Variants in GRM8 observed in about 807,000 individuals in gnomAD.
The protein encoded by GRM8 is metabotropic glutamate receptor 8.
A neutral mutation model predicts 87.2 loss-of-function variants in GRM8; 47 were observed. That is an observed-to-expected ratio of 0.54 (90% CI 0.43 to 0.69). The LOEUF (loss-of-function observed/expected upper bound fraction) is 0.69, where lower values mean the gene tolerates loss of function less well. Ranked by LOEUF, GRM8 falls within the 30% of genes least tolerant of loss-of-function variation. GRM8 has a pLI of 0.00. For synonymous variants in GRM8, 396 were observed against 404.5 expected (o/e 0.98, Z 0.25); for missense variants, 1,019 against 1,139.2 (o/e 0.89, Z 1.52).
At chr7:126,781,145 A>G (rs1186531240) in intron 6 of GRM8, among the ~76,000 whole-genome samples, 1 of 152,158 alleles carries the variant, frequency 6.6e-6, no homozygotes, top group African/African-American at 2.4e-5. Context: ...CAGAAATAGC[A>G]TGTCCTGCCA....
intron 3 of GRM8, among the ~76,000 whole-genome samples, chr7:126,984,236 C>T (rs1483617632): frequency 6.6e-6 from 1 of 152,058 alleles, no homozygotes; most frequent in Non-Finnish European, 1.5e-5. Flanking sequence ...CATATGATCT[C>T]AGGATGTGTA....
intron 7 of GRM8, among the ~76,000 whole-genome samples, chr7:126,766,988 G>T (rs764441728): frequency 1.4e-4 from 21 of 152,172 alleles, no homozygotes; most frequent in Admixed American, 1.0e-3. Context: ...GATTGTATGT[G>T]TGCTTCATAG....
chr7:127,231,585 C>A (rs554242412), intron 2 of GRM8, among the ~76,000 whole-genome samples: 4 of 152,278 alleles, frequency 2.6e-5, no homozygotes, highest in South Asian at 2.1e-4. Context: ...CCTTTTAGTG[C>A]TTTCATTTCT....
At chr7:126,798,816 G>C (rs781293330) in intron 6 of GRM8, among the ~76,000 whole-genome samples, 2 of 152,258 alleles carry the variant, frequency 1.3e-5, no homozygotes, top group African/African-American at 4.8e-5. Context: ...AACCATTAGA[G>C]GGCTGGGGCT....
At chr7:126,998,006 A>G (rs954262034) in intron 3 of GRM8, among the ~76,000 whole-genome samples, 8 of 152,104 alleles carry the variant, frequency 5.3e-5, no homozygotes, top group Middle Eastern at 3.4e-3. Flanking sequence ...ATCCCCGACG[A>G]ATGTTGATAG....
chr7:126,488,877 T>C (rs752896757), intron 9 of GRM8, among the ~76,000 whole-genome samples: 1 of 151,882 alleles, frequency 6.6e-6, no homozygotes, highest in Non-Finnish European at 1.5e-5. Context: ...AGGTCACAAA[T>C]ACACATGTGC....
chr7:126,481,243 A>T (rs561558669), intron 9 of GRM8, among the ~76,000 whole-genome samples: 1 of 152,234 alleles, frequency 6.6e-6, no homozygotes, highest in African/African-American at 2.4e-5. Context: ...CATCACTAGA[A>T]CATCACAGTA....
At chr7:127,241,690 C>T (rs1296298324) in intron 2 of GRM8, among the ~76,000 whole-genome samples, 1 of 152,174 alleles carries the variant, frequency 6.6e-6, no homozygotes, top group African/African-American at 2.4e-5. Flanking sequence ...CCGCCTTGGC[C>T]TCCCAAAGTG....
chr7:126,715,842 T>C (rs1174414890), intron 7 of GRM8, among the ~76,000 whole-genome samples: 2 of 152,206 alleles, frequency 1.3e-5, no homozygotes, highest in Non-Finnish European at 2.9e-5. Context: ...CAAATACCCT[T>C]TCTATCACTG....
At chr7:126,513,658 C>G (rs775002462) in intron 9 of GRM8, among the ~76,000 whole-genome samples, 7 of 152,128 alleles carry the variant, frequency 4.6e-5, no homozygotes, top group Non-Finnish European at 8.8e-5. Context: ...ATTATCACCT[C>G]TCTCCTTACT....
intron 6 of GRM8, among the ~76,000 whole-genome samples, chr7:126,787,149 T>C (rs1160642988): frequency 6.6e-6 from 1 of 152,188 alleles, no homozygotes; most frequent in African/African-American, 2.4e-5. Context: ...AGAAACTGCT[T>C]CACACAGAAA....
intron 3 of GRM8, among the ~76,000 whole-genome samples, chr7:127,001,644 C>G (rs1383619078): frequency 1.3e-5 from 2 of 151,612 alleles, no homozygotes; most frequent in African/African-American, 4.8e-5. Flanking sequence ...CTTTGTAAAT[C>G]TGTTTGGCAG....
chr7:126,968,139 AG>A (rs544658380), intron 3 of GRM8, among the ~76,000 whole-genome samples: 17 of 152,176 alleles, frequency 1.1e-4, no homozygotes, highest in Non-Finnish European at 1.9e-4. Context: ...GTAATATATG[AG>A]TTTATCATTG....
chr7:126,695,803 C>T (rs906395562), intron 7 of GRM8, among the ~76,000 whole-genome samples: 10 of 152,022 alleles, frequency 6.6e-5, no homozygotes, highest in East Asian at 3.9e-4. Context: ...GCCACAATTA[C>T]GTAAAAAACA....
chr7:126,646,249 G>A (rs892627504), intron 7 of GRM8, among the ~76,000 whole-genome samples: 4 of 111,430 alleles, frequency 3.6e-5, no homozygotes, highest in African/African-American at 3.4e-5. Flanking sequence ...AAAAGGAAGA[G>A]AGAAGGAGGG....
chr7:127,114,209 T>C (rs993513694), intron 2 of GRM8, among the ~76,000 whole-genome samples: 1 of 152,164 alleles, frequency 6.6e-6, no homozygotes, highest in Non-Finnish European at 1.5e-5. Context: ...GACCTTTTCT[T>C]CTCAGTTGAG....
At chr7:126,648,119 A>C (rs62477917) in intron 7 of GRM8, among the ~76,000 whole-genome samples, 19,135 of 152,030 alleles carry the variant, frequency 0.13, 1,518 homozygotes, top group Non-Finnish European at 0.17. Flanking sequence ...CCTTTGCACA[A>C]GCTGTTTACT....
At chr7:126,637,640 C>T (rs1383065369) in intron 7 of GRM8, among the ~76,000 whole-genome samples, 1 of 152,078 alleles carries the variant, frequency 6.6e-6, no homozygotes, top group Non-Finnish European at 1.5e-5. Flanking sequence ...CTCCCTGAAA[C>T]ATGTGGCTAG....
intron 6 of GRM8, among the ~76,000 whole-genome samples, chr7:126,798,468 T>G (rs1822241048): frequency 6.6e-6 from 1 of 152,074 alleles, no homozygotes; most frequent in Non-Finnish European, 1.5e-5. Context: ...CTTCAACATG[T>G]CCTTAAGGCC....
Sources: gnomAD v4.1 joint callset for allele counts (sites outside exome capture counted in the v4.1 genomes callset) on GRCh38, gnomAD v4.1.1 for gene constraint, MANE v1.5 for transcripts, NCBI Gene and HGNC (gene_info 2026-07-23, HGNC 2026-07-21) for gene names.